EPHA3: variants seen among roughly 807,000 people sequenced by gnomAD.
EPHA3 encodes ephrin type-A receptor 3.
In EPHA3, 42 loss-of-function variants were observed where a neutral mutation model predicts 107.1. The observed-to-expected ratio is 0.39, with a 90% confidence interval of 0.31 to 0.51. The LOEUF (loss-of-function observed/expected upper bound fraction) is 0.51, where lower values mean the gene tolerates loss of function less well. Ranked by LOEUF, EPHA3 falls within the 20% of genes least tolerant of loss-of-function variation. The pLI is 0.78. For missense variants in EPHA3, 1,183 were observed against 1,211.2 expected (o/e 0.98, Z 0.35); for synonymous variants, 461 against 424.8 (o/e 1.09, Z -1.05).
At chr3:89,242,612 T>G (rs554132187) in intron 3 of EPHA3, among the ~76,000 whole-genome samples, 2 of 152,148 alleles carry the variant, frequency 1.3e-5, no homozygotes, top group East Asian at 3.9e-4. Flanking sequence ...TAATTTTTTG[T>G]ATTTTTAGTA....
At chr3:89,422,283 C>T (rs553266993) in intron 11 of EPHA3, among the ~76,000 whole-genome samples, 3 of 149,576 alleles carry the variant, frequency 2.0e-5, no homozygotes, top group Admixed American at 1.3e-4. Context: ...CTATTATTGT[C>T]TTTGTTTCCT....
intron 3 of EPHA3, among the ~76,000 whole-genome samples, chr3:89,215,701 A>G (rs1704207605): frequency 3.3e-5 from 5 of 151,908 alleles, no homozygotes; most frequent in Admixed American, 3.3e-4. Flanking sequence ...TGTTAGTAAC[A>G]TTCTTACGCA....
At chr3:89,347,703 G>C (rs974065608) in intron 5 of EPHA3, among the ~76,000 whole-genome samples, 1 of 150,618 alleles carries the variant, frequency 6.6e-6, no homozygotes, top group African/African-American at 2.4e-5. Flanking sequence ...AGTTTTCAAA[G>C]GGAATGCTTC....
At chr3:89,193,726 A>T (rs2107145662) in intron 2 of EPHA3, among the ~76,000 whole-genome samples, 1 of 152,132 alleles carries the variant, frequency 6.6e-6, no homozygotes, top group East Asian at 1.9e-4. Flanking sequence ...TTAAAATAAT[A>T]TTTTAAATGA....
chr3:89,134,472 G>T (rs1182519036), intron 2 of EPHA3, among the ~76,000 whole-genome samples: 2 of 151,942 alleles, frequency 1.3e-5, no homozygotes, highest in Admixed American at 6.6e-5. Flanking sequence ...GCGATGTTTG[G>T]TTTTTTGTCC....
intron 7 of EPHA3, among the ~76,000 whole-genome samples, chr3:89,403,292 A>G (rs1481058630): frequency 6.6e-6 from 1 of 152,224 alleles, no homozygotes; most frequent in Non-Finnish European, 1.5e-5. Context: ...AGGTTTCTAC[A>G]TGACAGTATA....
chr3:89,192,513 A>G (rs1705744588), intron 2 of EPHA3, among the ~76,000 whole-genome samples: 1 of 152,088 alleles, frequency 6.6e-6, no homozygotes, highest in African/African-American at 2.4e-5. Flanking sequence ...TCATATATGT[A>G]TACACATCAA....
At chr3:89,434,337 C>A (rs1709624979) in intron 13 of EPHA3, among the ~76,000 whole-genome samples, 1 of 152,152 alleles carries the variant, frequency 6.6e-6, no homozygotes, top group Non-Finnish European at 1.5e-5. Flanking sequence ...CATGCCTCAG[C>A]CTCACAAGTA....
At chr3:89,440,740 A>G (rs551053034) in intron 13 of EPHA3, among the ~76,000 whole-genome samples, 1 of 152,306 alleles carries the variant, frequency 6.6e-6, no homozygotes, top group Admixed American at 6.5e-5. Flanking sequence ...CCTGGAGTGG[A>G]GTTTAGCAGT....
At chr3:89,277,553 TAA>T (rs1328254117) in intron 3 of EPHA3, among the ~76,000 whole-genome samples, 2 of 152,166 alleles carry the variant, frequency 1.3e-5, no homozygotes, top group Non-Finnish European at 2.9e-5. Context: ...TTGTTTTAAA[TAA>T]AGTGTTTTTA....
Position 89,341,810 on chromosome 3 carries a change from C to G in EPHA3, c.1026C>G (p.Ile342Met). Residue 342 changes from isoleucine to methionine, a missense_variant, in exon 5 of 17, where the codon ATC (isoleucine) becomes ATG (methionine). Transcript: ENST00000336596. ...VISNINETSV[I>M]LDWSWPLDTG... ...CTAATATAAACGAGACCTCAGTTAT[C>G]CTGGACTGGAGTTGGCCCCTGGACA... 6.2e-7 allele frequency: 1 copy of G among 1,613,896 alleles called. No individual in the cohort carries two copies. The highest frequency in any genetic ancestry group is 8.5e-7 in the Non-Finnish European group (1 of 1,179,978).
In EPHA3 at chr3:89,239,431, CAAT is replaced by C. The variant is rs924211003; in HGVS notation, c.814+28929_814+28931del. 2.6e-4 allele frequency among the ~76,000 whole-genome samples: 39 copies of C among 151,710 alleles called. No homozygotes were observed. The East Asian group carries it at 7.0e-3, about 27-fold the overall frequency. On this transcript the variant is annotated intron_variant, in intron 3 of 16. Transcript: ENST00000336596. ...AGCCAAGCCAACAGAATAATAATGA[CAAT>C]AATAATAATAATAATAAATCTTACA...
intron 3 of EPHA3, among the ~76,000 whole-genome samples, chr3:89,300,385 A>G (rs1205640174): frequency 1.3e-5 from 2 of 152,050 alleles, no homozygotes; most frequent in African/African-American, 2.4e-5. Context: ...TCAAACTTAT[A>G]TACGTAAAGT....
intron 2 of EPHA3, among the ~76,000 whole-genome samples, chr3:89,175,176 T>A (rs1482806877): frequency 6.6e-6 from 1 of 151,986 alleles, no homozygotes; most frequent in Non-Finnish European, 1.5e-5. Context: ...TAGGCCCTTT[T>A]TATTTGATGT....
At chr3:89,328,417 A>G (rs1026536793) in intron 3 of EPHA3, among the ~76,000 whole-genome samples, 1 of 152,202 alleles carries the variant, frequency 6.6e-6, no homozygotes, top group African/African-American at 2.4e-5. Context: ...CTAGACCTCT[A>G]AGATATTGTT....
At chr3:89,219,838 A>C (rs1576241157) in intron 3 of EPHA3, among the ~76,000 whole-genome samples, 1 of 143,884 alleles carries the variant, frequency 7.0e-6, no homozygotes, top group Admixed American at 7.0e-5. Flanking sequence ...CCTCCCAAGT[A>C]GCTGGGACTA....
chr3:89,124,652 G>A lies in EPHA3; in HGVS notation c.89-2557G>A, dbSNP rs186161684. ...AATAATATTAATGTATTAAATTTAC[G>A]AGAAGGAAGTCTGTACAGCATGTTA... On this transcript the variant is annotated intron_variant, in intron 1 of 16. Coordinates refer to ENST00000336596, the MANE Select transcript of EPHA3 (RefSeq NM_005233.6). Among the ~76,000 whole-genome samples the A allele has an allele frequency of 1.4e-3, 212 of 151,990 alleles. 1 individual carries two copies. The highest frequency in any genetic ancestry group is 4.1e-3 in the African/African-American group (171 of 41,510).
In EPHA3 at chr3:89,253,802, G is replaced by T. The variant is rs190147266; in HGVS notation, c.814+43282G>T. Among the ~76,000 whole-genome samples, 5 of 141,730 alleles carry T rather than the reference G, an allele frequency of 3.5e-5. 1 individual carries two copies. Among genetic ancestry groups the T allele is most frequent in the Admixed American group, 3.5e-4 (5 of 14,358 alleles). 93.0% of individuals were successfully genotyped at this position (141,730 alleles called of 152,430 possible). A position where few individuals can be genotyped will look rare whatever the true frequency, so the allele number is the denominator to read the frequency against. On this transcript the variant is annotated intron_variant, in intron 3 of 16. Coordinates refer to ENST00000336596, the MANE Select transcript of EPHA3 (RefSeq NM_005233.6). ...ATTATAGTTTGTGGTTAGTTTATAT[G>T]AAATAGAAAAAATAAGAGGAGTTTT...
chr3:89,328,217 A>AT (rs1707210866), intron 3 of EPHA3, among the ~76,000 whole-genome samples: 1 of 152,126 alleles, frequency 6.6e-6, no homozygotes, highest in Non-Finnish European at 1.5e-5. Context: ...AAAATGCTTT[A>AT]TTTTTTCCCT....
Sources: gnomAD v4.1 joint callset for allele counts (sites outside exome capture counted in the v4.1 genomes callset) on GRCh38, gnomAD v4.1.1 for gene constraint, MANE v1.5 for transcripts, NCBI Gene and HGNC (gene_info 2026-07-23, HGNC 2026-07-21) for gene names.